NXN: variants seen among roughly 807,000 people sequenced by gnomAD.
The protein encoded by NXN is nucleoredoxin.
Under a neutral mutation model 48.6 loss-of-function variants are expected in NXN, and 16 were observed. The ratio of observed to expected loss-of-function variants is 0.33; its 90% CI spans 0.22 to 0.50. The LOEUF (loss-of-function observed/expected upper bound fraction) is 0.50, where lower values mean the gene tolerates loss of function less well. NXN is among the 20% of genes least tolerant of loss of function. The pLI, the probability that NXN is intolerant of heterozygous loss-of-function variation, is 0.98. For missense variants in NXN, 492 were observed against 605.5 expected (o/e 0.81, Z 1.97); for synonymous variants, 281 against 269.6 (o/e 1.04, Z -0.41).
In NXN at chr17:842,008, T is replaced by C. The variant is rs1436519723; in HGVS notation, c.361-15930A>G. Among the ~76,000 whole-genome samples the C allele has an allele frequency of 2.0e-5, 3 of 152,038 alleles. No homozygotes were observed. In the East Asian group the frequency reaches 5.8e-4, roughly 29 times the overall value. The stretch of plus-strand genomic sequence containing the variant: ...AAAATGAGCCGGGTGTGGTGGCGCA[T>C]GTCTGTAACCCCAGCAACTCAGGAG... On this transcript the variant is annotated intron_variant, in intron 1 of 7. Transcript: ENST00000336868.
intron 1 of NXN, among the ~76,000 whole-genome samples, chr17:883,751 G>A (rs1342808391): frequency 6.6e-6 from 1 of 152,226 alleles, no homozygotes; most frequent in Non-Finnish European, 1.5e-5. Flanking sequence ...GTACAGAAGT[G>A]GGAGGCAGCA....
At chr17:894,821 T>C (rs1353762183) in intron 1 of NXN, among the ~76,000 whole-genome samples, 1 of 152,006 alleles carries the variant, frequency 6.6e-6, no homozygotes, top group Non-Finnish European at 1.5e-5. Flanking sequence ...CCCCCTTCCA[T>C]CTGAAAACAT....
At chr17:907,358 T>A (rs868684486) in intron 1 of NXN, among the ~76,000 whole-genome samples, 3,093 of 123,380 alleles carry the variant, frequency 0.025, 113 homozygotes, top group African/African-American at 0.088. Flanking sequence ...TTTTTTTTTT[T>A]AAACAGAGTC....
Position 920,695 on chromosome 17 carries a change from C to G in NXN, c.360+58624G>C, listed in dbSNP as rs950004863. The stretch of plus-strand genomic sequence containing the variant: ...CCTTGCCAATCGCCCTCAAAATCAC[C>G]TGGAAGATTCCACCGTTCAGGAAGC... On this transcript the variant is annotated intron_variant, in intron 1 of 7. Transcript: ENST00000336868. The surrounding 1 kb of genome is among the most constrained non-coding windows in gnomAD (Gnocchi z 4.6). 2.2e-4 allele frequency among the ~76,000 whole-genome samples: 33 copies of G among 152,006 alleles called. No homozygotes were observed. The highest frequency in any genetic ancestry group is 2.2e-3 in the Admixed American group (33 of 15,232).
rs754155459 is a variant in NXN, at chr17:803,846, A to C, written c.1001-40T>G. On this transcript the variant is annotated intron_variant, in intron 6 of 7. Coordinates refer to ENST00000336868, the MANE Select transcript of NXN (RefSeq NM_022463.5). ...GGGGTAGAAAAAGACGGGGAGAAAA[A>C]GCACTGGCTTGTCAAACAGAGCGGC... is the stretch of plus-strand genomic sequence containing the variant. The C allele has an allele frequency of 4.3e-6, 7 of 1,611,926 alleles. No homozygotes were observed. The South Asian group carries it at 7.7e-5, about 18-fold the overall frequency.
Position 955,623 on chromosome 17 carries a change from G to A in NXN, c.360+23696C>T, listed in dbSNP as rs528970270. On this transcript the variant is annotated intron_variant, in intron 1 of 7. Transcript: ENST00000336868. ...ATCCCAGCACCTCGGGAGGCCGGAC[G>A]CGGTGGCTCACGCCTGTAATCCCAG... is the stretch of plus-strand genomic sequence containing the variant. Among the ~76,000 whole-genome samples, 73 of 145,274 alleles carry A rather than the reference G, an allele frequency of 5.0e-4. 1 individual carries two copies. Among genetic ancestry groups the A allele is most frequent in the African/African-American group, 1.5e-3 (57 of 38,710 alleles).
chr17:974,386 G>A (rs1257154059), intron 1 of NXN, among the ~76,000 whole-genome samples: 1 of 152,010 alleles, frequency 6.6e-6, no homozygotes, highest in East Asian at 1.9e-4. Context: ...TAGATATATG[G>A]ATATACCTCA....
chr17:808,550 C>T lies in NXN; in HGVS notation c.821-3303G>A, dbSNP rs1008226127. 7.9e-5 allele frequency among the ~76,000 whole-genome samples: 12 copies of T among 152,244 alleles called. No homozygotes were observed. In the South Asian group the frequency reaches 2.5e-3, roughly 32 times the overall value. On this transcript the variant is annotated intron_variant, in intron 5 of 7. Coordinates refer to ENST00000336868, the MANE Select transcript of NXN (RefSeq NM_022463.5). ...CCTCAGGTGATCCGCCCACCTCGGC[C>T]TCCCAAAGTGCTGAGATAACAGGTG...
At chr17:871,214 T>G (rs1487015792) in intron 1 of NXN, among the ~76,000 whole-genome samples, 1 of 151,976 alleles carries the variant, frequency 6.6e-6, no homozygotes, top group East Asian at 1.9e-4. Flanking sequence ...GGAGCCACAT[T>G]GGCAGCCACC....
chr17:932,993 T>G lies in NXN; in HGVS notation c.360+46326A>C, dbSNP rs11656204. Among the ~76,000 whole-genome samples, 40,644 of 151,976 alleles carry G rather than the reference T, an allele frequency of 0.27. 6,683 individuals carry two copies. Among genetic ancestry groups the G allele is most frequent in the East Asian group, 0.41 (2,132 of 5,154 alleles). Reference sequence around the variant, plus strand: ...GCTCAGTTTCAGTCGTCATGACCACTTGTAATATCCCTTCCCACTAACATC... The same window carrying G: ...GCTCAGTTTCAGTCGTCATGACCACGTGTAATATCCCTTCCCACTAACATC... On this transcript the variant is annotated intron_variant, in intron 1 of 7. Coordinates refer to ENST00000336868, the MANE Select transcript of NXN (RefSeq NM_022463.5). The surrounding 1 kb of genome is among the most constrained non-coding windows in gnomAD (Gnocchi z 4.1).
chr17:893,197 A>G (rs553097298), intron 1 of NXN, among the ~76,000 whole-genome samples: 1 of 152,236 alleles, frequency 6.6e-6, no homozygotes, highest in Non-Finnish European at 1.5e-5. Context: ...TCCACGAGTC[A>G]ATCAGTGCAG....
chr17:935,601 G>A (rs778790824), intron 1 of NXN, among the ~76,000 whole-genome samples: 3 of 152,182 alleles, frequency 2.0e-5, no homozygotes, highest in Non-Finnish European at 2.9e-5. Context: ...CACTCCACAC[G>A]TGTTTACTGA....
intron 1 of NXN, among the ~76,000 whole-genome samples, chr17:942,765 A>ATC (rs2068992864): frequency 2.7e-5 from 2 of 74,482 alleles, no homozygotes; most frequent in African/African-American, 6.1e-5. Flanking sequence ...GAATTCACCA[A>ATC]ACACCTCCCT....
chr17:950,035 C>G (rs1176209720), intron 1 of NXN, among the ~76,000 whole-genome samples: 1 of 152,132 alleles, frequency 6.6e-6, no homozygotes, highest in South Asian at 2.1e-4. Flanking sequence ...TAAGAAATCA[C>G]TTTTTTAAAA....
At chr17:891,872 ACT>A (rs2068423638) in intron 1 of NXN, among the ~76,000 whole-genome samples, 1 of 95,530 alleles carries the variant, frequency 1.0e-5, no homozygotes, top group South Asian at 4.9e-4. Flanking sequence ...GGGAACCTAA[ACT>A]AACCCCACCA....
chr17:806,692 C>T (rs956642933), intron 5 of NXN, among the ~76,000 whole-genome samples: 4 of 152,180 alleles, frequency 2.6e-5, no homozygotes, highest in African/African-American at 7.2e-5. Flanking sequence ...TAATTTGCTC[C>T]GCTGACATTC....
At chr17:845,765 G>A (rs2067853345) in intron 1 of NXN, among the ~76,000 whole-genome samples, 1 of 152,238 alleles carries the variant, frequency 6.6e-6, no homozygotes, top group South Asian at 2.1e-4. Flanking sequence ...TTCCTCAGCA[G>A]AAAAGAAACC....
chr17:869,017 C>T (rs902160020), intron 1 of NXN, among the ~76,000 whole-genome samples: 1 of 152,180 alleles, frequency 6.6e-6, no homozygotes, highest in African/African-American at 2.4e-5. Context: ...GTCTCCCAGG[C>T]TTTCTATCAC....
intron 1 of NXN, among the ~76,000 whole-genome samples, chr17:950,481 CA>C (rs2069096731): frequency 6.6e-6 from 1 of 151,018 alleles, no homozygotes; most frequent in African/African-American, 2.4e-5. Flanking sequence ...CGGGCCAGCA[CA>C]GTCATTTCAT....
Sources: allele counts gnomAD v4.1 joint callset (sites outside exome capture counted in the v4.1 genomes callset), GRCh38; gene constraint gnomAD v4.1.1; non-coding constraint Gnocchi (gnomAD v3.1); transcripts MANE v1.5; gene names NCBI Gene and HGNC (gene_info 2026-07-23, HGNC 2026-07-21).